Variants in DAW1 observed in about 807,000 individuals in gnomAD.
DAW1 encodes the protein dynein assembly factor with WD repeats 1, also known as dynein assembly factor with WD repeat domains 1.
In DAW1, 47 loss-of-function variants were observed where a neutral mutation model predicts 56.5. The ratio of observed to expected loss-of-function variants is 0.83; its 90% CI spans 0.66 to 1.06. The LOEUF (loss-of-function observed/expected upper bound fraction) is 1.06. DAW1 is among the 50% of genes least tolerant of loss of function. DAW1 has a pLI of 0.00. For missense variants in DAW1, 505 were observed against 499.3 expected, an observed-to-expected ratio of 1.01 and a Z score of -0.11; for synonymous variants, 190 against 179.0, an observed-to-expected ratio of 1.06 and a Z score of -0.49.
chr2:227,915,823 T>A (rs1020934468), intron 10 of DAW1, among the ~76,000 whole-genome samples: 2 of 152,168 alleles, frequency 1.3e-5, no homozygotes, highest in Non-Finnish European at 2.9e-5. Context: ...ACACTGTATC[T>A]ACTTCCTCTT....
At chr2:227,903,799 A>C (rs1691610365) in intron 7 of DAW1, among the ~76,000 whole-genome samples, 2 of 152,194 alleles carry the variant, frequency 1.3e-5, no homozygotes, top group South Asian at 4.2e-4. Flanking sequence ...TGTCCTTTCA[A>C]AATTATAAGT....
intron 2 of DAW1, chr2:227,887,878 A>G (rs1691168468): frequency 2.6e-5 from 4 of 152,246 alleles, no homozygotes; most frequent in Admixed American, 2.6e-4. Context: ...GGCACCATAG[A>G]TGACATGCTG....
chr2:227,906,454 T>TTTA, intron 9 of DAW1, 116 bp downstream of exon 9: 2 of 759,088 alleles, frequency 2.6e-6, no homozygotes, highest in Non-Finnish European at 3.7e-6. Flanking sequence ...AGATATTAAT[T>TTTA]TACAAAAAAT....
chr2:227,874,793 T>A (rs968332932), intron 1 of DAW1, among the ~76,000 whole-genome samples: 4 of 152,038 alleles, frequency 2.6e-5, no homozygotes, highest in Non-Finnish European at 5.9e-5. Flanking sequence ...AAACCCCGTC[T>A]CTACTAAAAA....
rs867269424 is a variant in DAW1, at chr2:227,882,732, G to A, written c.41-2619G>A. ...GACCAGGTGGAGGTAATTGGATCAGGGGGAGGTTCCCCCATGCTGTTCTCA... is the reference window on the plus strand; with the variant it reads ...GACCAGGTGGAGGTAATTGGATCAGAGGGAGGTTCCCCCATGCTGTTCTCA... On this transcript the variant is annotated intron_variant, in intron 1 of 12. Coordinates refer to ENST00000309931, the MANE Select transcript of DAW1 (RefSeq NM_178821.3). Among the ~76,000 whole-genome samples, 11 of 152,298 alleles carry A rather than the reference G, an allele frequency of 7.2e-5. 1 individual carries two copies. The South Asian group carries it at 2.1e-3, about 29-fold the overall frequency.
chr2:227,921,885 G>T (rs773035346), intron 12 of DAW1, among the ~76,000 whole-genome samples: 5 of 152,210 alleles, frequency 3.3e-5, no homozygotes, highest in Non-Finnish European at 7.3e-5. Flanking sequence ...TATTTAGTCA[G>T]CCAGGCGCAT....
At position 227,893,808 on chromosome 2, in the gene DAW1, A is replaced by C; in HGVS notation, c.331A>C (p.Ser111Arg). 1 of 1,612,060 alleles carries C rather than the reference A, an allele frequency of 6.2e-7. No homozygotes were observed. The highest frequency in any genetic ancestry group is 8.5e-7 in the Non-Finnish European group (1 of 1,179,334). The change falls in exon 5 of 13, where the codon AGC becomes CGC. Residue 111 changes from serine to arginine, a missense_variant. Ser to Arg is a moderately radical substitution (Grantham distance 110). Coordinates refer to ENST00000309931, the MANE Select transcript of DAW1 (RefSeq NM_178821.3). ...NKSGSCFITG[S>R]YDRTCKLWDT... The stretch of plus-strand genomic sequence containing the variant: ...TCCTTGTGTTAGCTTTATCACAGGA[A>C]GCTATGATCGGACGTGCAAGCTCTG...
intron 7 of DAW1, among the ~76,000 whole-genome samples, chr2:227,903,898 T>A (rs1474778002): frequency 1.3e-5 from 2 of 152,186 alleles, no homozygotes; most frequent in Non-Finnish European, 2.9e-5. Context: ...ATCACCATTT[T>A]AAAATAACAG....
Position 227,924,132 on chromosome 2 carries a change from CAA to C in DAW1, c.*166_*167del, listed in dbSNP as rs541784803. 85 of 774,276 alleles carry C rather than the reference CAA, an allele frequency of 1.1e-4. No individual in the cohort carries two copies. In the Admixed American group the frequency reaches 1.7e-3, roughly 16 times the overall value. The allele number at this position is 774,276 out of a possible 1,614,324, so 48.0% of individuals were successfully genotyped here. Reference sequence around the variant, plus strand: ...TCACAGATATGACCATTAAACATGACAAAGTTATGCCACTCCAATATTATTAT... The same window carrying C: ...TCACAGATATGACCATTAAACATGACAGTTATGCCACTCCAATATTATTAT... On this transcript the variant is annotated 3_prime_UTR_variant, in exon 13 of 13. Coordinates refer to ENST00000309931, the MANE Select transcript of DAW1 (RefSeq NM_178821.3).
At chr2:227,889,361 T>C (rs1691204337) in intron 2 of DAW1, among the ~76,000 whole-genome samples, 1 of 152,182 alleles carries the variant, frequency 6.6e-6, no homozygotes, top group Non-Finnish European at 1.5e-5. Context: ...GGCACCTTGA[T>C]GCTGCGTCTT....
chr2:227,878,914 A>G (rs1441154635), intron 1 of DAW1, among the ~76,000 whole-genome samples: 1 of 151,504 alleles, frequency 6.6e-6, no homozygotes. Context: ...CAGCTTCCCA[A>G]GTAGCTGGGA....
chr2:227,902,476 G>A (rs1691570592), intron 6 of DAW1, among the ~76,000 whole-genome samples: 1 of 152,200 alleles, frequency 6.6e-6, no homozygotes, highest in African/African-American at 2.4e-5. Context: ...GTGAATTGGT[G>A]GTGAATCTTC....
chr2:227,877,915 G>A (rs975207350), intron 1 of DAW1, among the ~76,000 whole-genome samples: 1 of 152,248 alleles, frequency 6.6e-6, no homozygotes, highest in African/African-American at 2.4e-5. Context: ...TTTTGTCACA[G>A]CGAAGCAGTC....
chr2:227,905,970 G>T (rs1414106978), intron 8 of DAW1, among the ~76,000 whole-genome samples: 1 of 152,140 alleles, frequency 6.6e-6, no homozygotes, highest in East Asian at 1.9e-4. Context: ...TAGCCAGGAT[G>T]GTCTCTATCT....
Position 227,891,253 on chromosome 2 carries a change from A to T in DAW1, c.259-2A>T. The T allele has an allele frequency of 6.2e-7, 1 of 1,612,008 alleles. No homozygotes were observed. Among genetic ancestry groups the T allele is most frequent in the Non-Finnish European group, 8.5e-7 (1 of 1,179,270 alleles). On this transcript the variant is annotated splice_acceptor_variant, in intron 3 of 12. Coordinates refer to ENST00000309931, the MANE Select transcript of DAW1 (RefSeq NM_178821.3). LOFTEE classifies it high-confidence loss of function. Reference sequence around the variant, plus strand: ...AAAAAATGGTGTTTTCTTTCACTGAAGGTTCTCAAAGCACATATATTGCCA... The same window carrying T: ...AAAAAATGGTGTTTTCTTTCACTGATGGTTCTCAAAGCACATATATTGCCA...
At chr2:227,872,994 C>T (rs529245874) in intron 1 of DAW1, among the ~76,000 whole-genome samples, 6 of 152,256 alleles carry the variant, frequency 3.9e-5, no homozygotes, top group African/African-American at 9.6e-5. Context: ...GAATACGATC[C>T]GCAACCTGTG....
At position 227,918,971 on chromosome 2, in the gene DAW1, G is replaced by A. The variant is rs1011967162; in HGVS notation, c.1050+115G>A. 5.6e-6 allele frequency: 6 copies of A among 1,075,576 alleles called. No individual in the cohort carries two copies. In the African/African-American group the frequency reaches 6.4e-5, roughly 12 times the overall value. 66.6% of individuals were successfully genotyped at this position (1,075,576 alleles called of 1,614,324 possible). ...GCACTTTGAGAGGAAAAGGTGAGAA[G>A]ATTGCTTGAGGCCAGGAGTTCAAGA... is the stretch of plus-strand genomic sequence containing the variant. On this transcript the variant is annotated intron_variant, in intron 11 of 12. Coordinates refer to ENST00000309931, the MANE Select transcript of DAW1 (RefSeq NM_178821.3).
intron 2 of DAW1, chr2:227,889,616 C>A: frequency 3.0e-6 from 1 of 334,292 alleles, no homozygotes; most frequent in Non-Finnish European, 5.4e-6. Flanking sequence ...TGAAACAAGC[C>A]TTAGCTTTGG....
chr2:227,876,643 G>T, intron 1 of DAW1: 1 of 448,840 alleles, frequency 2.2e-6, no homozygotes, highest in Non-Finnish European at 3.7e-6. Flanking sequence ...TTTGAATAAC[G>T]TATAGGTCAG....
Sources: gnomAD v4.1 joint callset for allele counts (sites outside exome capture counted in the v4.1 genomes callset) on GRCh38, gnomAD v4.1.1 for gene constraint, MANE v1.5 for transcripts, NCBI Gene and HGNC (gene_info 2026-07-23, HGNC 2026-07-21) for gene names.